Variants in ERBB4 observed in about 807,000 individuals in gnomAD.
The protein encoded by ERBB4 is erb-b2 receptor tyrosine kinase 4, also known as receptor tyrosine-protein kinase erbB-4.
A neutral mutation model predicts 158.0 loss-of-function variants in ERBB4; 42 were observed. The ratio of observed to expected loss-of-function variants is 0.27; its 90% CI spans 0.21 to 0.34. The LOEUF is 0.34. Ranked by LOEUF, ERBB4 falls within the 10% of genes least tolerant of loss-of-function variation. The pLI, the probability that ERBB4 is intolerant of heterozygous loss-of-function variation, is 1.00. For synonymous variants in ERBB4, 583 were observed against 558.7 expected (o/e 1.04, Z -0.61); for missense variants, 1,333 against 1,624.1 (o/e 0.82, Z 3.08).
intron 5 of ERBB4, among the ~76,000 whole-genome samples, chr2:211,747,361 T>C (rs2075006453): frequency 1.3e-5 from 2 of 152,160 alleles, no homozygotes; most frequent in East Asian, 1.9e-4. Flanking sequence ...CCCTCCTCCA[T>C]GATATGACAA....
chr2:211,571,299 A>AAAT (rs1394416183), intron 19 of ERBB4, among the ~76,000 whole-genome samples: 1 of 152,044 alleles, frequency 6.6e-6, no homozygotes, highest in Non-Finnish European at 1.5e-5. Flanking sequence ...CTAGAGATGA[A>AAAT]AATATTTTCC....
chr2:212,097,525 T>C (rs2078965709), intron 2 of ERBB4, among the ~76,000 whole-genome samples: 1 of 152,102 alleles, frequency 6.6e-6, no homozygotes, highest in African/African-American at 2.4e-5. Context: ...GAAATAAATG[T>C]GGATTTAAGA....
intron 2 of ERBB4, among the ~76,000 whole-genome samples, chr2:211,978,508 T>C (rs190452263): frequency 1.3e-5 from 2 of 152,208 alleles, no homozygotes; most frequent in East Asian, 3.9e-4. Flanking sequence ...TCACTCACTG[T>C]AGCTTCTAAG....
intron 2 of ERBB4, among the ~76,000 whole-genome samples, chr2:212,003,144 G>GAAAGAAAGAAAGAAA (rs1559292290): frequency 7.9e-5 from 1 of 12,588 alleles, no homozygotes; most frequent in African/African-American, 2.0e-4. Context: ...AAGGAAGGAA[G>GAAAGAAAGAAAGAAA]GAAGGAAAGA....
chr2:211,720,647 A>T (rs969311532), intron 7 of ERBB4, among the ~76,000 whole-genome samples: 2 of 151,888 alleles, frequency 1.3e-5, no homozygotes, highest in East Asian at 3.9e-4. Flanking sequence ...TGAAAAATCC[A>T]CTCTTTCGGT....
intron 20 of ERBB4, among the ~76,000 whole-genome samples, chr2:211,497,673 T>C (rs2065503958): frequency 6.6e-6 from 1 of 152,106 alleles, no homozygotes; most frequent in South Asian, 2.1e-4. Flanking sequence ...CTACAAGTGA[T>C]TGAATATGCT....
chr2:212,536,392 A>T (rs550939332), intron 1 of ERBB4, among the ~76,000 whole-genome samples: 17 of 152,324 alleles, frequency 1.1e-4, no homozygotes, highest in Admixed American at 1.0e-3. Context: ...TGTTGCAATT[A>T]TACCAGGGAT....
chr2:211,974,337 C>T (rs755879113), intron 2 of ERBB4, among the ~76,000 whole-genome samples: 3 of 151,706 alleles, frequency 2.0e-5, no homozygotes, highest in Non-Finnish European at 4.4e-5. Flanking sequence ...AAACTCCATG[C>T]ACATGTAAAG....
At chr2:211,956,322 G>C (rs1017626199) in intron 2 of ERBB4, among the ~76,000 whole-genome samples, 3 of 152,054 alleles carry the variant, frequency 2.0e-5, no homozygotes, top group African/African-American at 7.2e-5. Context: ...TAGAGCTGAA[G>C]TAAAAAGAAA....
chr2:211,437,262 A>G (rs888363188), intron 20 of ERBB4, among the ~76,000 whole-genome samples: 1 of 152,222 alleles, frequency 6.6e-6, no homozygotes, highest in Non-Finnish European at 1.5e-5. Flanking sequence ...TAAAATGTGT[A>G]ATCATAGTAA....
intron 3 of ERBB4, among the ~76,000 whole-genome samples, chr2:211,800,404 T>G (rs1044860058): frequency 6.6e-6 from 1 of 152,148 alleles, no homozygotes; most frequent in African/African-American, 2.4e-5. Flanking sequence ...GTCTGATGGC[T>G]GAGTTGGCTT....
At chr2:212,468,626 T>C (rs939200519) in intron 1 of ERBB4, among the ~76,000 whole-genome samples, 7 of 152,200 alleles carry the variant, frequency 4.6e-5, no homozygotes, top group African/African-American at 1.7e-4. Flanking sequence ...TATATCTTTA[T>C]CAGCAGTGTG....
intron 1 of ERBB4, among the ~76,000 whole-genome samples, chr2:212,488,307 G>A (rs1690089071): frequency 7.1e-6 from 1 of 141,350 alleles, no homozygotes; most frequent in African/African-American, 2.8e-5. Context: ...TTTTTTCTAA[G>A]TTTCCTCGCT....
chr2:211,986,982 T>C (rs1450332686), intron 2 of ERBB4, among the ~76,000 whole-genome samples: 2 of 152,038 alleles, frequency 1.3e-5, no homozygotes, highest in Non-Finnish European at 2.9e-5. Context: ...AAACACAAAA[T>C]ATAAATATTA....
intron 1 of ERBB4, among the ~76,000 whole-genome samples, chr2:212,361,021 G>C (rs549065532): frequency 4.0e-5 from 6 of 151,784 alleles, no homozygotes; most frequent in African/African-American, 1.4e-4. Flanking sequence ...TTCTAAACAA[G>C]TGAGTTCAAC....
At chr2:212,136,421 T>C (rs965938859) in intron 1 of ERBB4, among the ~76,000 whole-genome samples, 5 of 152,012 alleles carry the variant, frequency 3.3e-5, no homozygotes, top group African/African-American at 1.2e-4. Context: ...ATAGCAAGAG[T>C]GAAACATTGT....
At chr2:211,942,758 C>A (rs948877061) in intron 3 of ERBB4, among the ~76,000 whole-genome samples, 7 of 151,922 alleles carry the variant, frequency 4.6e-5, no homozygotes, top group African/African-American at 1.7e-4. Flanking sequence ...AAATATATAG[C>A]GTATTCAGCT....
At position 211,420,573 on chromosome 2, in the gene ERBB4, G is replaced by A. The variant is rs760509675; in HGVS notation, c.3003C>T (p.Ser1001=). ...CATCCAAGAGATTCTGAAAGAACTT[G>A]CTGTCATTTGGACTGGGAAGCTTCA... ...DRMKLPSPND[S]KFFQNLLDEE... The change falls in exon 25 of 28, where the codon AGC becomes AGT. Residue 1001 remains serine (S), a synonymous_variant. Transcript: ENST00000342788. 6.2e-7 allele frequency: 1 copy of A among 1,612,852 alleles called. No homozygotes were observed. Among genetic ancestry groups the A allele is most frequent in the Non-Finnish European group, 8.5e-7 (1 of 1,179,170 alleles).
In ERBB4 at chr2:211,387,007, G is replaced by A. The variant is rs1461973181; in HGVS notation, c.3327C>T (p.Gly1109=). Residue 1109 remains glycine, a synonymous_variant, in exon 27 of 28, where the codon GGC becomes GGT. Coordinates refer to ENST00000342788, the MANE Select transcript of ERBB4 (RefSeq NM_005235.3). ...GGGGTGCCACTGGCTTGCGTAGGGT[G>A]CCATTACAGCAGGAGTCATCAAAAA... ...AEIFDDSCCN[G]TLRKPVAPHV... 2 of 1,613,922 alleles carry A rather than the reference G, an allele frequency of 1.2e-6. No homozygotes were observed. Among genetic ancestry groups the A allele is most frequent in the South Asian group, 1.1e-5 (1 of 91,076 alleles).
Sources: allele counts gnomAD v4.1 joint callset (sites outside exome capture counted in the v4.1 genomes callset), GRCh38; gene constraint gnomAD v4.1.1; transcripts MANE v1.5; gene names NCBI Gene and HGNC (gene_info 2026-07-23, HGNC 2026-07-21).